Variants in CTNNA3 observed in about 807,000 individuals in gnomAD.
The protein encoded by CTNNA3 is catenin alpha 3, also known as catenin alpha-3.
In CTNNA3, 76 loss-of-function variants were observed where a neutral mutation model predicts 95.7. That is an observed-to-expected ratio of 0.79 (90% CI 0.66 to 0.96). CTNNA3 has a LOEUF of 0.96. CTNNA3 is among the 40% of genes least tolerant of loss of function. The pLI is 0.00. For missense variants in CTNNA3, 1,191 were observed against 1,089.8 expected (o/e 1.09, Z -1.31); for synonymous variants, 431 against 374.4 (o/e 1.15, Z -1.74).
intron 7 of CTNNA3, among the ~76,000 whole-genome samples, chr10:66,842,620 A>C (rs2132352358): frequency 6.6e-6 from 1 of 152,278 alleles, no homozygotes; most frequent in South Asian, 2.1e-4. Context: ...AAATATATGA[A>C]GTGATGTGTG....
At chr10:67,204,489 G>A (rs1240905322) in intron 6 of CTNNA3, among the ~76,000 whole-genome samples, 2 of 152,136 alleles carry the variant, frequency 1.3e-5, no homozygotes, top group Non-Finnish European at 2.9e-5. Flanking sequence ...TTCCTGTACA[G>A]CCTGCAGAAC....
chr10:66,599,110 T>C (rs528590873), intron 10 of CTNNA3, among the ~76,000 whole-genome samples: 14 of 152,158 alleles, frequency 9.2e-5, no homozygotes, highest in African/African-American at 3.4e-4. Flanking sequence ...ACATTTGTTA[T>C]AAAAGCTTGA....
chr10:67,303,618 T>C (rs552245071), intron 5 of CTNNA3, among the ~76,000 whole-genome samples: 96 of 152,356 alleles, frequency 6.3e-4, no homozygotes, highest in Non-Finnish European at 1.2e-3. Flanking sequence ...GAATGGTCAT[T>C]TACTATTTAA....
chr10:66,640,624 A>C (rs1249181527), intron 9 of CTNNA3, among the ~76,000 whole-genome samples: 1 of 152,180 alleles, frequency 6.6e-6, no homozygotes, highest in African/African-American at 2.4e-5. Flanking sequence ...CGGGGAGCCA[A>C]CTTAAGAAAA....
intron 9 of CTNNA3, among the ~76,000 whole-genome samples, chr10:66,730,470 G>GGAGT (rs1368143842): frequency 2.6e-5 from 4 of 152,120 alleles, no homozygotes; most frequent in African/African-American, 9.7e-5. Flanking sequence ...GTGGGGACAG[G>GGAGT]GAGTGCATCA....
chr10:67,539,716 G>A, intron 3 of CTNNA3, 47 bp from the exon 4 acceptor site: 1 of 1,545,694 alleles, frequency 6.5e-7, no homozygotes, highest in Non-Finnish European at 8.9e-7. Context: ...TTTCAACTAT[G>A]CCTATTTCAG....
At chr10:66,933,063 C>G (rs915034288) in intron 7 of CTNNA3, among the ~76,000 whole-genome samples, 39 of 152,158 alleles carry the variant, frequency 2.6e-4, no homozygotes, top group African/African-American at 8.9e-4. Context: ...GTGAAAAGTA[C>G]TTTGTAAACT....
chr10:67,686,431 C>T (rs1840732645), intron 1 of CTNNA3, among the ~76,000 whole-genome samples: 2 of 152,162 alleles, frequency 1.3e-5, no homozygotes, highest in African/African-American at 4.8e-5. Flanking sequence ...CTGTTGGTAG[C>T]CATGCTTGAC....
chr10:66,350,824 T>G (rs897737301), intron 12 of CTNNA3, among the ~76,000 whole-genome samples: 6 of 151,988 alleles, frequency 3.9e-5, no homozygotes, highest in African/African-American at 1.4e-4. Flanking sequence ...CTCTTGAGGT[T>G]TTACTTAGTG....
intron 1 of CTNNA3, among the ~76,000 whole-genome samples, chr10:67,727,698 A>T (rs1373666374): frequency 1.6e-5 from 2 of 128,394 alleles, no homozygotes; most frequent in East Asian, 4.2e-4. Flanking sequence ...TATATAATAG[A>T]TCATAGATAA....
intron 9 of CTNNA3, among the ~76,000 whole-genome samples, chr10:66,628,453 C>T (rs1299715179): frequency 4.6e-5 from 7 of 152,046 alleles, no homozygotes; most frequent in African/African-American, 1.2e-4. Flanking sequence ...TTAACTGCCC[C>T]GAGTGGATTT....
At chr10:66,476,035 C>G (rs1839314323) in intron 11 of CTNNA3, among the ~76,000 whole-genome samples, 2 of 151,948 alleles carry the variant, frequency 1.3e-5, no homozygotes, top group Admixed American at 1.3e-4. Flanking sequence ...TGCAGCAATA[C>G]AAAGGAATGA....
chr10:66,705,665 T>A (rs1589149240), intron 9 of CTNNA3, among the ~76,000 whole-genome samples: 1 of 152,210 alleles, frequency 6.6e-6, no homozygotes, highest in African/African-American at 2.4e-5. Context: ...CTCCATCTTT[T>A]TTTGGAAGCA....
At chr10:67,137,647 C>T (rs1423815503) in intron 7 of CTNNA3, among the ~76,000 whole-genome samples, 3 of 152,184 alleles carry the variant, frequency 2.0e-5, no homozygotes, top group Admixed American at 1.3e-4. Flanking sequence ...TTTCTCTCCA[C>T]ATAATGTTCC....
intron 5 of CTNNA3, among the ~76,000 whole-genome samples, chr10:67,423,163 CCTT>C (rs1434297619): frequency 3.3e-5 from 5 of 152,084 alleles, no homozygotes; most frequent in African/African-American, 1.2e-4. Context: ...ATCTCTTAGT[CCTT>C]CTTCAGGAAA....
chr10:66,614,476 C>T (rs1844440815), intron 10 of CTNNA3, among the ~76,000 whole-genome samples: 1 of 151,944 alleles, frequency 6.6e-6, no homozygotes, highest in African/African-American at 2.4e-5. Flanking sequence ...CAAGTGATCT[C>T]CAGTGCATGC....
At chr10:66,453,373 G>A (rs1203227380) in intron 11 of CTNNA3, among the ~76,000 whole-genome samples, 1 of 152,212 alleles carries the variant, frequency 6.6e-6, no homozygotes, top group Non-Finnish European at 1.5e-5. Flanking sequence ...CAGCAGACAA[G>A]ATAAACCCAT....
At chr10:67,727,587 A>G (rs956717778) in intron 1 of CTNNA3, among the ~76,000 whole-genome samples, 1 of 127,832 alleles carries the variant, frequency 7.8e-6, no homozygotes, top group Admixed American at 9.3e-5. Flanking sequence ...AATATATGAT[A>G]TATATCATAT....
intron 9 of CTNNA3, among the ~76,000 whole-genome samples, chr10:66,657,794 A>T (rs995905487): frequency 6.6e-6 from 1 of 152,236 alleles, no homozygotes; most frequent in Admixed American, 6.5e-5. Context: ...TGAAAATCAG[A>T]TAGTTTTACT....
Sources: gnomAD v4.1 joint callset for allele counts (sites outside exome capture counted in the v4.1 genomes callset) on GRCh38, gnomAD v4.1.1 for gene constraint, MANE v1.5 for transcripts, NCBI Gene and HGNC (gene_info 2026-07-23, HGNC 2026-07-21) for gene names.